The following PNPO variants were observed in gnomAD, a reference collection of about 807,000 sequenced individuals.
PNPO encodes the protein pyridoxine-5'-phosphate oxidase.
In PNPO, 39 loss-of-function variants were observed where a neutral mutation model predicts 35.0. The observed-to-expected ratio is 1.11, with a 90% CI of 0.86 to 1.45. The LOEUF (loss-of-function observed/expected upper bound fraction) is 1.45. Among genes scored for constraint, PNPO ranks in the 40% most tolerant of loss-of-function variants. PNPO has a pLI of 0.00. For synonymous variants in PNPO, 115 were observed against 119.8 expected (o/e 0.96, Z 0.26); for missense variants, 288 against 340.0 (o/e 0.85, Z 1.20).
Position 47,946,366 on chromosome 17 carries a change from AT to A in PNPO, c.591del (p.Gln198LysfsTer18). ...GAGGAACTGGAACAGCTCTACCAGG[AT>A]CAAGAGGTGCCCAAGCCAAAATCCT... ...KNEELEQLYQ[D>X]QEVPKPKSWG... On this transcript the variant is annotated frameshift_variant, in exon 6 of 7. Coordinates refer to ENST00000642017, the MANE Select transcript of PNPO (RefSeq NM_018129.4). LOFTEE classifies it high-confidence loss of function. The A allele has an allele frequency of 6.2e-7, 1 of 1,613,702 alleles. No individual in the cohort carries two copies. Among genetic ancestry groups the A allele is most frequent in the Non-Finnish European group, 8.5e-7 (1 of 1,179,622 alleles).
At chr17:47,943,021 T>A (rs890100535) in intron 1 of PNPO, among the ~76,000 whole-genome samples, 2 of 152,242 alleles carry the variant, frequency 1.3e-5, no homozygotes, top group African/African-American at 2.4e-5. Flanking sequence ...AAGTTTTTTT[T>A]ATGCTCCCCA....
chr17:47,946,372 A>G lies in PNPO; in HGVS notation c.596A>G (p.Glu199Gly). The G allele has an allele frequency of 6.2e-7, 1 of 1,613,418 alleles. No homozygotes were observed. Among genetic ancestry groups the G allele is most frequent in the Non-Finnish European group, 8.5e-7 (1 of 1,179,348 alleles). The change falls in exon 6 of 7, where the codon GAG becomes GGG. Residue 199 changes from glutamate to glycine, a missense_variant. By Grantham distance (98) the Glu-to-Gly change is moderately conservative. Coordinates refer to ENST00000642017, the MANE Select transcript of PNPO (RefSeq NM_018129.4). ...EELEQLYQDQEVPKPKSWGGY... is the reference protein window; with the variant it reads ...EELEQLYQDQGVPKPKSWGGY... The stretch of plus-strand genomic sequence containing the variant: ...CTGGAACAGCTCTACCAGGATCAAG[A>G]GGTGCCCAAGCCAAAATCCTGGTGA...
rs1239639417 is a variant in PNPO at position 47,941,637 on chromosome 17, T to A, written c.-39T>A. On this transcript the variant is annotated 5_prime_UTR_variant, in exon 1 of 7. Coordinates refer to ENST00000642017, the MANE Select transcript of PNPO (RefSeq NM_018129.4). ...TGGTTCCGAACTCAAAGGAACCCAG[T>A]GCCGGGCCACAGCCGGGTCACGTGG... The A allele has an allele frequency of 4.6e-6, 7 of 1,508,830 alleles. No individual in the cohort carries two copies. In the Admixed American group the frequency reaches 1.2e-4, roughly 26 times the overall value. 93.5% of individuals were successfully genotyped at this position (1,508,830 alleles called of 1,614,324 possible).
chr17:47,942,080 G>T, intron 1 of PNPO: 1 of 1,242,566 alleles, frequency 8.0e-7, no homozygotes, highest in Non-Finnish European at 1.0e-6. Flanking sequence ...GAGCCTGCCT[G>T]GGTTGGAATG....
rs1227036949 is a variant in PNPO, at chr17:47,941,786, G to C, written c.111G>C (p.Met37Ile). The change falls in exon 1 of 7, where the codon ATG becomes ATC. Residue 37 changes from methionine to isoleucine, a missense_variant. Coordinates refer to ENST00000642017, the MANE Select transcript of PNPO (RefSeq NM_018129.4). Reference sequence around the variant, plus strand: ...GTGCTGCCATGGACCTGGGACCCATGCGCAAGAGTTACCGCGGGGACCGAG... The same window carrying C: ...GTGCTGCCATGGACCTGGGACCCATCCGCAAGAGTTACCGCGGGGACCGAG... ...GRSAAMDLGP[M>I]RKSYRGDREA... 1.5e-5 allele frequency: 24 copies of C among 1,570,402 alleles called. No homozygotes were observed. Among genetic ancestry groups the C allele is most frequent in the Non-Finnish European group, 2.0e-5 (23 of 1,157,044 alleles).
At chr17:47,946,089 C>T (rs2036004937) in intron 5 of PNPO, 100 bp downstream of exon 5, 2 of 1,450,770 alleles carry the variant, frequency 1.4e-6, no homozygotes, top group Admixed American at 3.4e-5. Context: ...CAGGAGATGT[C>T]CTCTCTCTCC....
At chr17:47,946,564 C>G in intron 6 of PNPO, 50 bp from the exon 7 acceptor site, 2 of 1,592,712 alleles carry the variant, frequency 1.3e-6, no homozygotes, top group Non-Finnish European at 8.6e-7. Flanking sequence ...GGGAGAGTGA[C>G]CTGGCTAGAA....
chr17:47,943,910 A>T (rs1022337756), intron 2 of PNPO, among the ~76,000 whole-genome samples: 1 of 152,198 alleles, frequency 6.6e-6, no homozygotes, highest in Admixed American at 6.5e-5. Flanking sequence ...GTGCGAGTGG[A>T]TATCTCCCAG....
Position 47,943,448 on chromosome 17 carries a change from C to T in PNPO, c.263+18C>T. On this transcript the variant is annotated intron_variant, in intron 2 of 6. Coordinates refer to ENST00000642017, the MANE Select transcript of PNPO (RefSeq NM_018129.4). ...TGCACCAGGTGGGCATGGCTGTGGGCCCCTCTTTGGGTGGATACATATGAA... is the reference window on the plus strand; with the variant it reads ...TGCACCAGGTGGGCATGGCTGTGGGTCCCTCTTTGGGTGGATACATATGAA... 1.2e-6 allele frequency: 2 copies of T among 1,612,484 alleles called. No individual in the cohort carries two copies. The highest frequency in any genetic ancestry group is 1.7e-6 in the Non-Finnish European group (2 of 1,178,928).
chr17:47,943,205 G>A (rs915515621), intron 1 of PNPO, 101 bp from the exon 2 acceptor site: 5 of 866,818 alleles, frequency 5.8e-6, no homozygotes, highest in African/African-American at 1.7e-5. Context: ...TCATTGTCAT[G>A]AGGACTAAAT....
chr17:47,946,863 C>G lies in PNPO; in HGVS notation c.*81C>G. 5 of 1,331,156 alleles carry G rather than the reference C, an allele frequency of 3.8e-6. No individual in the cohort carries two copies. Among genetic ancestry groups the G allele is most frequent in the Non-Finnish European group, 4.3e-6 (4 of 932,918 alleles). 82.5% of individuals were successfully genotyped at this position (1,331,156 alleles called of 1,614,324 possible). ...GGGATTGGGACCCAGGCCCTTCTTTCTAAACTCAACCCATTTCCCTCCCTA... is the reference window on the plus strand; with the variant it reads ...GGGATTGGGACCCAGGCCCTTCTTTGTAAACTCAACCCATTTCCCTCCCTA... On this transcript the variant is annotated 3_prime_UTR_variant, in exon 7 of 7. Transcript: ENST00000642017.
In PNPO at chr17:47,941,583, C is replaced by G; in HGVS notation, c.-93C>G. On this transcript the variant is annotated 5_prime_UTR_variant, in exon 1 of 7. Coordinates refer to ENST00000642017, the MANE Select transcript of PNPO (RefSeq NM_018129.4). ...TTGGGCGACTGGCAAATCCTTCCTT[C>G]CCCGGGGTAGAAGTCCAGGGTGAGA... 1 of 1,419,702 alleles carries G rather than the reference C, an allele frequency of 7.0e-7. No homozygotes were observed. The highest frequency in any genetic ancestry group is 1.5e-5 in the South Asian group (1 of 68,952). The allele number at this position is 1,419,702 out of a possible 1,614,324, so 87.9% of individuals were successfully genotyped here.
At position 47,948,224 on chromosome 17, in the gene PNPO, G is replaced by A. The variant is rs1367824483; in HGVS notation, c.*1442G>A. On this transcript the variant is annotated 3_prime_UTR_variant, in exon 7 of 7. Coordinates refer to ENST00000642017, the MANE Select transcript of PNPO (RefSeq NM_018129.4). ...CTATGTTTTTTTATGGAAACTGTGT[G>A]TATGTATACATACATTTTCCAAAAA... is the stretch of plus-strand genomic sequence containing the variant. 1 of 152,268 alleles carries A rather than the reference G, an allele frequency of 6.6e-6. No individual in the cohort carries two copies. Among genetic ancestry groups the A allele is most frequent in the Non-Finnish European group, 1.5e-5 (1 of 68,028 alleles). The allele number at this position is 152,268 out of a possible 1,614,324, so 9.4% of individuals were successfully genotyped here. A position where few individuals can be genotyped will look rare whatever the true frequency, so the allele number is the denominator to read the frequency against.
chr17:47,941,673 C>T lies in PNPO; in HGVS notation c.-3C>T. On this transcript the variant is annotated 5_prime_UTR_variant, in exon 1 of 7. Coordinates refer to ENST00000642017, the MANE Select transcript of PNPO (RefSeq NM_018129.4). ...AGCCGGGTCACGTGGCCGGCGGCCC[C>T]CCATGACGTGCTGGCTGCGGGGCGT... 2 of 1,533,036 alleles carry T rather than the reference C, an allele frequency of 1.3e-6. No homozygotes were observed. The highest frequency in any genetic ancestry group is 1.8e-6 in the Non-Finnish European group (2 of 1,135,016). 95.0% of individuals were successfully genotyped at this position (1,533,036 alleles called of 1,614,324 possible).
At chr17:47,941,901 C>T (rs987329818) in intron 1 of PNPO, 88 bp downstream of exon 1, 52 of 1,422,982 alleles carry the variant, frequency 3.7e-5, no homozygotes, top group African/African-American at 4.3e-5. Flanking sequence ...GTAGTAGGAG[C>T]CCCTCGGGGC....
rs1469103850 is a variant in PNPO at position 47,943,210 on chromosome 17, C to A, written c.139-96C>A. ...TATTTTAAGGTCATTGTCATGAGGA[C>A]TAAATGAGTTGATTTTTGAAAAGTG... On this transcript the variant is annotated intron_variant, in intron 1 of 6. Coordinates refer to ENST00000642017, the MANE Select transcript of PNPO (RefSeq NM_018129.4). 4 of 922,876 alleles carry A rather than the reference C, an allele frequency of 4.3e-6. No individual in the cohort carries two copies. The African/African-American group carries it at 6.6e-5, about 15-fold the overall frequency. 57.2% of individuals were successfully genotyped at this position (922,876 alleles called of 1,614,324 possible). A position where few individuals can be genotyped will look rare whatever the true frequency, so the allele number is the denominator to read the frequency against.
At position 47,948,492 on chromosome 17, in the gene PNPO, T is replaced by A. The variant is rs2036037321; in HGVS notation, c.*1710T>A. ...AATGCAGCCTGGGCACTGGGAAATT[T>A]AAAAACTCCCCAGATAATTCTGTGC... On this transcript the variant is annotated 3_prime_UTR_variant, in exon 7 of 7. Coordinates refer to ENST00000642017, the MANE Select transcript of PNPO (RefSeq NM_018129.4). 1.3e-5 allele frequency: 2 copies of A among 152,166 alleles called. No individual in the cohort carries two copies. Among genetic ancestry groups the A allele is most frequent in the African/African-American group, 4.8e-5 (2 of 41,424 alleles). 9.4% of individuals were successfully genotyped at this position (152,166 alleles called of 1,614,324 possible). A position where few individuals can be genotyped will look rare whatever the true frequency, so the allele number is the denominator to read the frequency against.
chr17:47,944,505 C>A, intron 2 of PNPO, 111 bp from the exon 3 acceptor site: 1 of 863,608 alleles, frequency 1.2e-6, no homozygotes, highest in Non-Finnish European at 2.0e-6. Context: ...CCTGACAGCC[C>A]AATAAAGGGG....
chr17:47,944,974 C>T, intron 3 of PNPO: 2 of 541,182 alleles, frequency 3.7e-6, no homozygotes, highest in Non-Finnish European at 6.7e-6. Context: ...GAAGGCCTTC[C>T]TTGACTCTCA....
Sources: gnomAD v4.1 joint callset for allele counts (sites outside exome capture counted in the v4.1 genomes callset) on GRCh38, gnomAD v4.1.1 for gene constraint, MANE v1.5 for transcripts, NCBI Gene and HGNC (gene_info 2026-07-23, HGNC 2026-07-21) for gene names.